The following PAN3 variants were observed in gnomAD, a reference collection of about 807,000 sequenced individuals.
PAN3 encodes PAN2-PAN3 deadenylation complex subunit PAN3.
PAN3 carries 19 observed loss-of-function variants against 96.2 expected under a neutral mutation model. The observed-to-expected ratio is 0.20, with a 90% confidence interval of 0.14 to 0.29. The LOEUF is 0.29. PAN3 is among the 10% of genes least tolerant of loss of function. The pLI is 1.00. For missense variants in PAN3, 882 were observed against 1,108.1 expected, an observed-to-expected ratio of 0.80 and a Z score of 2.90; for synonymous variants, 433 against 406.6, an observed-to-expected ratio of 1.06 and a Z score of -0.78.
chr13:28,150,756 T>C (rs1242219187), intron 1 of PAN3, among the ~76,000 whole-genome samples: 1 of 152,230 alleles, frequency 6.6e-6, no homozygotes, highest in Non-Finnish European at 1.5e-5. Flanking sequence ...TTAATTCATT[T>C]AATTGGTTAA....
chr13:28,237,014 A>G (rs1399062739), intron 6 of PAN3, among the ~76,000 whole-genome samples: 1 of 152,194 alleles, frequency 6.6e-6, no homozygotes, highest in Non-Finnish European at 1.5e-5. Flanking sequence ...TTTGTTTTAC[A>G]GAGCTCTGTC....
intron 17 of PAN3, among the ~76,000 whole-genome samples, chr13:28,286,524 C>T (rs1316594185): frequency 1.3e-5 from 2 of 152,172 alleles, no homozygotes; most frequent in Admixed American, 6.5e-5. Flanking sequence ...TTCTGAGCTA[C>T]GCCAGTGTGG....
At chr13:28,276,472 A>G (rs1887068634) in intron 14 of PAN3, among the ~76,000 whole-genome samples, 1 of 152,182 alleles carries the variant, frequency 6.6e-6, no homozygotes, top group South Asian at 2.1e-4. Context: ...GAGTTATAAT[A>G]GGTGATAAAG....
intron 18 of PAN3, among the ~76,000 whole-genome samples, 175 bp from the exon 19 acceptor site, chr13:28,292,207 A>C (rs1008998701): frequency 3.9e-5 from 6 of 152,348 alleles, no homozygotes; most frequent in African/African-American, 1.4e-4. Flanking sequence ...TTTGTGTAAA[A>C]ATGTCTGAGT....
rs568751561 is a variant in PAN3, at chr13:28,278,794, G to A, written c.2189+1418G>A. ...ATAACTTGCCAAAGTCACATAGCCT[G>A]TAATAACATTAAATATGATTAGCAG... is the stretch of plus-strand genomic sequence containing the variant. On this transcript the variant is annotated intron_variant, in intron 15 of 18. Transcript: ENST00000380958. 2.6e-4 allele frequency among the ~76,000 whole-genome samples: 39 copies of A among 152,096 alleles called. No individual in the cohort carries two copies. In the East Asian group the frequency reaches 7.2e-3, roughly 28 times the overall value.
At chr13:28,157,889 A>G (rs936213834) in intron 1 of PAN3, among the ~76,000 whole-genome samples, 3 of 152,274 alleles carry the variant, frequency 2.0e-5, no homozygotes, top group African/African-American at 7.2e-5. Flanking sequence ...AACAGCCTGA[A>G]TAGCCAAAGC....
rs559274881 is a variant in PAN3 at position 28,196,964 on chromosome 13, A to G, written c.691-221A>G. Among the ~76,000 whole-genome samples the G allele has an allele frequency of 3.9e-5, 6 of 152,320 alleles. No individual in the cohort carries two copies. In the South Asian group the frequency reaches 1.0e-3, roughly 26 times the overall value. ...TTTCTAAAAACATCTGTTGCTTTAT[A>G]TAATATTCTTTAGCCCATTAGGAGT... is the stretch of plus-strand genomic sequence containing the variant. On this transcript the variant is annotated intron_variant, in intron 4 of 18. Coordinates refer to ENST00000380958, the MANE Select transcript of PAN3 (RefSeq NM_175854.8).
At chr13:28,199,944 T>C (rs934787087) in intron 5 of PAN3, among the ~76,000 whole-genome samples, 3 of 152,234 alleles carry the variant, frequency 2.0e-5, no homozygotes, top group Non-Finnish European at 4.4e-5. Flanking sequence ...TTAATGGTTG[T>C]CTTGTGCCAG....
intron 5 of PAN3, among the ~76,000 whole-genome samples, chr13:28,214,080 CCT>C (rs1341255426): frequency 6.6e-6 from 1 of 151,946 alleles, no homozygotes; most frequent in Non-Finnish European, 1.5e-5. Context: ...AAAGCAATAC[CCT>C]GTCTCCAAAA....
intron 5 of PAN3, chr13:28,214,435 G>C (rs899378736): frequency 2.8e-5 from 6 of 214,534 alleles, no homozygotes; most frequent in African/African-American, 1.4e-4. Flanking sequence ...TCTTCATGCT[G>C]AGTGAAAGAA....
intron 18 of PAN3, among the ~76,000 whole-genome samples, chr13:28,291,617 G>T (rs1371107168): frequency 6.6e-6 from 1 of 152,172 alleles, no homozygotes; most frequent in African/African-American, 2.4e-5. Context: ...ATCGCCTGAG[G>T]TCAGGAGTTC....
chr13:28,196,051 G>T (rs1878012519), intron 4 of PAN3, among the ~76,000 whole-genome samples: 1 of 149,516 alleles, frequency 6.7e-6, no homozygotes, highest in Non-Finnish European at 1.5e-5. Context: ...ATAGAGACAG[G>T]GTCTTGCAAT....
chr13:28,199,071 G>GT (rs1307032826), intron 5 of PAN3, among the ~76,000 whole-genome samples: 4 of 152,102 alleles, frequency 2.6e-5, no homozygotes, highest in South Asian at 2.1e-4. Flanking sequence ...TAACAGTATA[G>GT]TTTTTTTAAC....
At position 28,138,743 on chromosome 13, in the gene PAN3, C is replaced by T; in HGVS notation, c.86C>T (p.Ala29Val). Residue 29 changes from alanine (A) to valine (V), a missense_variant, in exon 1 of 19, where the codon GCC (alanine) becomes GTC (valine). Ala to Val is a moderately conservative substitution (Grantham distance 64). This residue lies in a region of PAN3 where 442 missense variants were observed against 422.8 expected (regional missense o/e 1.05). Coordinates refer to ENST00000380958, the MANE Select transcript of PAN3 (RefSeq NM_175854.8). ...SSLAAAVAVV[A>V]PPGVGGVPGG... is the part of the protein sequence containing the mutation. ...CTGGCGGCGGCGGTGGCGGTGGTGG[C>T]CCCGCCGGGGGTCGGGGGTGTCCCC... The T allele has an allele frequency of 7.7e-7, 1 of 1,296,254 alleles. No individual in the cohort carries two copies. Among genetic ancestry groups the T allele is most frequent in the Non-Finnish European group, 9.8e-7 (1 of 1,023,402 alleles). 80.3% of individuals were successfully genotyped at this position (1,296,254 alleles called of 1,614,324 possible).
At chr13:28,154,607 G>A (rs563326984) in intron 1 of PAN3, among the ~76,000 whole-genome samples, 113 of 151,958 alleles carry the variant, frequency 7.4e-4, no homozygotes, top group African/African-American at 2.5e-3. Context: ...TGAGTCTCCC[G>A]CCTCAGCCTC....
chr13:28,147,053 C>T (rs999268339), intron 1 of PAN3, among the ~76,000 whole-genome samples: 2 of 152,042 alleles, frequency 1.3e-5, no homozygotes, highest in Non-Finnish European at 2.9e-5. Context: ...ATGTGATCAC[C>T]GTCATACATT....
At chr13:28,168,282 C>T (rs866635301) in intron 1 of PAN3, among the ~76,000 whole-genome samples, 1 of 152,258 alleles carries the variant, frequency 6.6e-6, no homozygotes, top group South Asian at 2.1e-4. Context: ...ACCTGAAAAT[C>T]AAAAATTGAA....
chr13:28,154,851 C>T (rs1424076074), intron 1 of PAN3, among the ~76,000 whole-genome samples: 3 of 143,388 alleles, frequency 2.1e-5, no homozygotes, highest in East Asian at 4.1e-4. Context: ...GACGGAGTCT[C>T]GCTCTGTCAT....
At chr13:28,155,967 G>A (rs1240513055) in intron 1 of PAN3, among the ~76,000 whole-genome samples, 6 of 152,132 alleles carry the variant, frequency 3.9e-5, no homozygotes, top group Non-Finnish European at 8.8e-5. Context: ...CTGTGGCCAC[G>A]TTGTGAAGGC....
Sources: gnomAD v4.1 joint callset for allele counts (sites outside exome capture counted in the v4.1 genomes callset) on GRCh38, gnomAD v4.1.1 for gene constraint, gnomAD v4.1.1 regional missense constraint, MANE v1.5 for transcripts, NCBI Gene and HGNC (gene_info 2026-07-23, HGNC 2026-07-21) for gene names.